Variants in NRF1 observed in about 807,000 individuals in gnomAD.
The protein encoded by NRF1 is nuclear respiratory factor 1.
Under a neutral mutation model 58.5 loss-of-function variants are expected in NRF1, and 5 were observed. The observed-to-expected ratio is 0.09, with a 90% CI of 0.04 to 0.18. The LOEUF (loss-of-function observed/expected upper bound fraction) is 0.18, where lower values mean the gene tolerates loss of function less well. NRF1 is among the 10% of genes least tolerant of loss of function. The pLI, the probability that NRF1 is intolerant of heterozygous loss-of-function variation, is 1.00. For synonymous variants in NRF1, 224 were observed against 246.7 expected (o/e 0.91, Z 0.86); for missense variants, 288 against 657.7 (o/e 0.44, Z 6.15).
At chr7:129,620,998 T>A (rs1010723662) in intron 1 of NRF1, among the ~76,000 whole-genome samples, 1 of 152,240 alleles carries the variant, frequency 6.6e-6, no homozygotes, top group African/African-American at 2.4e-5. Flanking sequence ...GATGATTTAA[T>A]GCTAAGAAAT....
intron 5 of NRF1, among the ~76,000 whole-genome samples, chr7:129,707,341 T>C (rs1036152716): frequency 6.6e-6 from 1 of 152,202 alleles, no homozygotes; most frequent in Non-Finnish European, 1.5e-5. Context: ...TCTCATTTCA[T>C]TTTCTCCAGA....
chr7:129,618,827 C>G (rs1210907244), intron 1 of NRF1, among the ~76,000 whole-genome samples: 1 of 152,002 alleles, frequency 6.6e-6, no homozygotes, highest in Non-Finnish European at 1.5e-5. Context: ...AGATAGGGCC[C>G]AAGTCTAAAC....
At chr7:129,660,498 G>T (rs1282969279) in intron 2 of NRF1, among the ~76,000 whole-genome samples, 1 of 150,874 alleles carries the variant, frequency 6.6e-6, no homozygotes, top group Non-Finnish European at 1.5e-5. Context: ...TACAGGGATT[G>T]GGTAAATACA....
intron 10 of NRF1, among the ~76,000 whole-genome samples, chr7:129,743,469 A>G (rs1007225606): frequency 3.9e-5 from 6 of 152,240 alleles, no homozygotes; most frequent in African/African-American, 1.4e-4. Context: ...GACCAAGGAC[A>G]GGGCCTTTAA....
At chr7:129,710,699 C>G in intron 7 of NRF1, 128 bp downstream of exon 7, 2 of 638,522 alleles carry the variant, frequency 3.1e-6, no homozygotes, top group South Asian at 1.8e-5. Flanking sequence ...CCAAGATCTT[C>G]CTACCTGAAA....
chr7:129,674,257 T>G (rs1325865979), intron 3 of NRF1, among the ~76,000 whole-genome samples: 3 of 152,178 alleles, frequency 2.0e-5, no homozygotes, highest in African/African-American at 7.2e-5. Context: ...AGCATAGGTA[T>G]ACCTCAGAGA....
intron 5 of NRF1, among the ~76,000 whole-genome samples, chr7:129,708,817 G>C (rs541021966): frequency 2.2e-4 from 33 of 151,940 alleles, no homozygotes; most frequent in Non-Finnish European, 2.5e-4. Context: ...TAAACTTAGG[G>C]GTAGATATTC....
At chr7:129,674,434 T>G (rs760301247) in intron 3 of NRF1, among the ~76,000 whole-genome samples, 1 of 152,144 alleles carries the variant, frequency 6.6e-6, no homozygotes, top group Non-Finnish European at 1.5e-5. Flanking sequence ...TACCGTAATT[T>G]TAAAATACTT....
At chr7:129,706,551 G>A (rs148191889) in intron 5 of NRF1, among the ~76,000 whole-genome samples, 84 of 152,302 alleles carry the variant, frequency 5.5e-4, no homozygotes, top group African/African-American at 1.8e-3. Flanking sequence ...TTGAGTGGCC[G>A]GGGAAAGGGT....
chr7:129,733,123 A>G (rs974970326), intron 10 of NRF1, among the ~76,000 whole-genome samples: 4 of 152,056 alleles, frequency 2.6e-5, no homozygotes, highest in Non-Finnish European at 5.9e-5. Flanking sequence ...TCAAAATTCC[A>G]AAGAGTGTTT....
intron 2 of NRF1, among the ~76,000 whole-genome samples, chr7:129,660,192 C>T (rs906980005): frequency 6.6e-6 from 1 of 152,122 alleles, no homozygotes; most frequent in African/African-American, 2.4e-5. Flanking sequence ...ATTCAATTAC[C>T]TCCCACCGGG....
At chr7:129,673,393 G>A (rs1230027314) in intron 3 of NRF1, among the ~76,000 whole-genome samples, 1 of 152,168 alleles carries the variant, frequency 6.6e-6, no homozygotes, top group Non-Finnish European at 1.5e-5. Flanking sequence ...TCAGAGGGAA[G>A]AGGCAGTGTT....
chr7:129,735,052 G>C, intron 10 of NRF1: 2 of 985,356 alleles, frequency 2.0e-6, no homozygotes, highest in South Asian at 9.4e-5. Flanking sequence ...GCTCCTCACC[G>C]GGTCTTCCAC....
At chr7:129,680,916 G>A (rs186719397) in intron 4 of NRF1, among the ~76,000 whole-genome samples, 39 of 152,298 alleles carry the variant, frequency 2.6e-4, no homozygotes, top group African/African-American at 8.7e-4. Context: ...CCCTTTAAAT[G>A]GGTGAATTGT....
chr7:129,661,854 C>T (rs1479430667), intron 2 of NRF1, among the ~76,000 whole-genome samples: 1 of 150,662 alleles, frequency 6.6e-6, no homozygotes, highest in African/African-American at 2.5e-5. Context: ...TACCAATTTA[C>T]TATATTAGTC....
At chr7:129,736,630 GCT>G (rs1491464119) in intron 10 of NRF1, among the ~76,000 whole-genome samples, 1 of 49,232 alleles carries the variant, frequency 2.0e-5, no homozygotes, top group Non-Finnish European at 6.6e-5. Flanking sequence ...GGTATCTATA[GCT>G]TTTTTTTTTT....
At chr7:129,646,365 T>G (rs1013241040) in intron 1 of NRF1, among the ~76,000 whole-genome samples, 1 of 152,210 alleles carries the variant, frequency 6.6e-6, no homozygotes, top group Non-Finnish European at 1.5e-5. Flanking sequence ...CTTTAAGTAT[T>G]AATCGGGGCC....
intron 1 of NRF1, among the ~76,000 whole-genome samples, chr7:129,645,127 G>T (rs988599233): frequency 1.3e-5 from 2 of 151,400 alleles, no homozygotes; most frequent in Non-Finnish European, 2.9e-5. Flanking sequence ...ATAAGAATAA[G>T]TTACACTTAT....
chr7:129,701,360 G>A (rs1325638673), intron 5 of NRF1, among the ~76,000 whole-genome samples: 2 of 152,120 alleles, frequency 1.3e-5, no homozygotes, highest in Non-Finnish European at 2.9e-5. Flanking sequence ...CACTTTGGGA[G>A]GCTGAGGTGG....
Sources: gnomAD v4.1 joint callset for allele counts (sites outside exome capture counted in the v4.1 genomes callset) on GRCh38, gnomAD v4.1.1 for gene constraint, MANE v1.5 for transcripts, NCBI Gene and HGNC (gene_info 2026-07-23, HGNC 2026-07-21) for gene names.